The following SP100 variants were observed in gnomAD, a reference collection of about 807,000 sequenced individuals.
SP100 encodes the protein nuclear autoantigen Sp-100.
A neutral mutation model predicts 130.0 loss-of-function variants in SP100; 84 were observed. The observed-to-expected ratio is 0.65, with a 90% CI of 0.54 to 0.77. The LOEUF (loss-of-function observed/expected upper bound fraction) is 0.77, where lower values mean the gene tolerates loss of function less well. Among genes scored for constraint, SP100 ranks in the 30% least tolerant of loss-of-function variants. SP100 has a pLI of 0.00. For missense variants in SP100, 978 were observed against 1,052.2 expected (o/e 0.93, Z 0.97); for synonymous variants, 331 against 351.7 (o/e 0.94, Z 0.66).
intron 8 of SP100, among the ~76,000 whole-genome samples, chr2:230,457,895 C>G (rs2064365778): frequency 6.6e-6 from 1 of 152,190 alleles, no homozygotes; most frequent in African/African-American, 2.4e-5. Flanking sequence ...TTTGTTTTCT[C>G]ATACTAACTG....
At chr2:230,469,789 AAAAG>A (rs139756804) in intron 14 of SP100, 362,540 of 1,359,232 alleles carry the variant, frequency 0.27, 29,771 homozygotes, top group Middle Eastern at 0.33. Context: ...TTAAAAAAAA[AAAAG>A]AAGAAGAAAC....
intron 2 of SP100, among the ~76,000 whole-genome samples, chr2:230,433,767 G>A (rs73000225): frequency 1.3e-5 from 2 of 150,944 alleles, no homozygotes; most frequent in Non-Finnish European, 3.0e-5. Context: ...TTGCAAACTC[G>A]ACTTTTAAAT....
At chr2:230,515,440 G>A in intron 24 of SP100, 2 of 1,613,816 alleles carry the variant, frequency 1.2e-6, no homozygotes, top group South Asian at 1.1e-5. Context: ...CGCTGCAGCT[G>A]ACAAGCAGTT....
chr2:230,466,518 T>C (rs2064967047), intron 12 of SP100, among the ~76,000 whole-genome samples, 164 bp downstream of exon 12: 1 of 152,250 alleles, frequency 6.6e-6, no homozygotes, highest in Admixed American at 6.5e-5. Context: ...TTAGCCTTTG[T>C]ATTAGGGAGG....
chr2:230,541,912 C>T lies in SP100; in HGVS notation c.2424C>T (p.Gly808=), dbSNP rs1459042984. Residue 808 remains glycine, a synonymous_variant, in exon 28 of 29, where the codon GGC becomes GGT. Transcript: ENST00000340126. The part of the protein sequence containing the change: ...EPYYNREGSQ[G]PQKPMWLNKV... ...AACAGAACAGAGAGGGGTCTCAGGG[C>T]CCACAGAAGCCCATGTGGTTAAACA... is the stretch of plus-strand genomic sequence containing the variant. 2.5e-6 allele frequency: 4 copies of T among 1,613,974 alleles called. No individual in the cohort carries two copies. Among genetic ancestry groups the T allele is most frequent in the Non-Finnish European group, 3.4e-6 (4 of 1,179,936 alleles).
intron 11 of SP100, among the ~76,000 whole-genome samples, chr2:230,465,206 A>T (rs1387803309): frequency 6.6e-6 from 1 of 151,882 alleles, no homozygotes; most frequent in African/African-American, 2.4e-5. Context: ...ACTGCACTCC[A>T]GCCTGGGTGA....
rs1442603435 is a variant in SP100, at chr2:230,448,964, C to T, written c.524-124C>T. On this transcript the variant is annotated intron_variant, in intron 5 of 28. Transcript: ENST00000340126. ...GTAGCATCTGCCAGCTCCAGGTGGC[C>T]TTTGCATTGAGACCTAGAAGGGGTC... The T allele has an allele frequency of 2.0e-5, 14 of 717,722 alleles. No homozygotes were observed. The East Asian group carries it at 3.4e-4, about 18-fold the overall frequency. 44.5% of individuals were successfully genotyped at this position (717,722 alleles called of 1,614,324 possible).
chr2:230,451,430 A>G (rs1009555248), intron 8 of SP100, among the ~76,000 whole-genome samples: 1 of 152,218 alleles, frequency 6.6e-6, no homozygotes, highest in African/African-American at 2.4e-5. Flanking sequence ...AGCCATTTGC[A>G]TGTGTTCCCT....
At chr2:230,530,198 A>G (rs1575811658) in intron 24 of SP100, among the ~76,000 whole-genome samples, 1 of 152,374 alleles carries the variant, frequency 6.6e-6, no homozygotes, top group Non-Finnish European at 1.5e-5. Flanking sequence ...GACTACAGTA[A>G]CCAAAACAGC....
At chr2:230,488,645 C>T (rs770143557) in intron 17 of SP100, among the ~76,000 whole-genome samples, 46 of 152,180 alleles carry the variant, frequency 3.0e-4, no homozygotes, top group Non-Finnish European at 5.6e-4. Flanking sequence ...AATCTCCTGA[C>T]CTCATGATCC....
intron 4 of SP100, among the ~76,000 whole-genome samples, chr2:230,444,843 A>G (rs2063632328): frequency 6.6e-6 from 1 of 152,328 alleles, no homozygotes; most frequent in East Asian, 1.9e-4. Context: ...TACAAGAGTT[A>G]TCAATTGAAG....
intron 13 of SP100, among the ~76,000 whole-genome samples, chr2:230,468,316 T>C (rs1575673465): frequency 6.6e-6 from 1 of 152,332 alleles, no homozygotes; most frequent in African/African-American, 2.4e-5. Flanking sequence ...GTGGTTTATA[T>C]TCTATATACA....
At chr2:230,528,783 G>A (rs965227095) in intron 24 of SP100, among the ~76,000 whole-genome samples, 19 of 152,216 alleles carry the variant, frequency 1.2e-4, no homozygotes, top group Non-Finnish European at 2.8e-4. Context: ...ACTACCATCA[G>A]AGAATACTAT....
chr2:230,458,993 G>A (rs1206582240), intron 8 of SP100, among the ~76,000 whole-genome samples: 1 of 152,132 alleles, frequency 6.6e-6, no homozygotes, highest in African/African-American at 2.4e-5. Flanking sequence ...CCAGGGCACA[G>A]CATGTAAGGA....
chr2:230,540,037 C>A (rs903675808), intron 25 of SP100, among the ~76,000 whole-genome samples: 3 of 152,202 alleles, frequency 2.0e-5, no homozygotes, highest in African/African-American at 7.2e-5. Flanking sequence ...TGTGACCCAC[C>A]TGCTCCCAGG....
rs190860638 is a variant in SP100, at chr2:230,450,198, G to A, written c.763G>A (p.Val255Met). 2.4e-5 allele frequency: 38 copies of A among 1,613,942 alleles called. No homozygotes were observed. Residue 255 changes from valine to methionine, a missense_variant, in exon 8 of 29, where the codon GTG becomes ATG. Physicochemically the swap from Val to Met is conservative, Grantham distance 21. Transcript: ENST00000340126. Reference protein sequence around the residue: ...TESCEQIAVQVNNGDAGREMP... With the variant: ...TESCEQIAVQMNNGDAGREMP... ...GTCCTGCGAACAAATTGCTGTCCAA[G>A]TGAATAATGGGGATGCTGGAAGGGA...
intron 21 of SP100, among the ~76,000 whole-genome samples, chr2:230,505,648 G>A (rs933472743): frequency 6.6e-6 from 1 of 152,164 alleles, no homozygotes; most frequent in African/African-American, 2.4e-5. Context: ...CATCTGTCAT[G>A]GTTGACACCT....
Position 230,470,063 on chromosome 2 carries a change from A to G in SP100, c.1394A>G (p.Gln465Arg). 15 of 1,612,084 alleles carry G rather than the reference A, an allele frequency of 9.3e-6. 1 individual carries two copies. In the South Asian group the frequency reaches 1.5e-4, roughly 17 times the overall value. The change falls in exon 15 of 29, where the codon CAG becomes CGG. Residue 465 changes from glutamine (Q) to arginine (R), a missense_variant. Gln to Arg is a conservative substitution (Grantham distance 43, BLOSUM62 1). Transcript: ENST00000340126. ...GACCTGAGTAATGGAGAAGAGCTTC[A>G]GGAAACCTGCAGCTCATCCCTAAGA... is the stretch of plus-strand genomic sequence containing the variant. ...FSDLSNGEELQETCSSSLRRG... is the reference protein window; with the variant it reads ...FSDLSNGEELRETCSSSLRRG...
intron 2 of SP100, among the ~76,000 whole-genome samples, chr2:230,426,231 TC>T (rs1047886673): frequency 6.6e-6 from 1 of 152,170 alleles, no homozygotes; most frequent in African/African-American, 2.4e-5. Flanking sequence ...TCTATTGTTT[TC>T]CTATTACCTA....
Sources: allele counts gnomAD v4.1 joint callset (sites outside exome capture counted in the v4.1 genomes callset), GRCh38; gene constraint gnomAD v4.1.1; transcripts MANE v1.5; gene names NCBI Gene and HGNC (gene_info 2026-07-23, HGNC 2026-07-21).